The following NECAP1 variants were observed in gnomAD, a reference collection of about 807,000 sequenced individuals.
NECAP1 encodes adaptin ear-binding coat-associated protein 1.
Under a neutral mutation model 33.4 loss-of-function variants are expected in NECAP1, and 13 were observed. The ratio of observed to expected loss-of-function variants is 0.39; its 90% CI spans 0.25 to 0.62. The LOEUF is 0.62. NECAP1 is among the 20% of genes least tolerant of loss of function. The pLI is 0.52. For synonymous variants in NECAP1, 109 were observed against 125.2 expected (o/e 0.87, Z 0.86); for missense variants, 272 against 347.4 (o/e 0.78, Z 1.73).
In NECAP1 at chr12:8,085,686, C is replaced by CTTTT. The variant is rs554942626; in HGVS notation, c.95+3329_95+3332dup. Among the ~76,000 whole-genome samples, 75 of 104,838 alleles carry CTTTT rather than the reference C, an allele frequency of 7.2e-4. 2 individuals carry two copies. Among genetic ancestry groups the CTTTT allele is most frequent in the African/African-American group, 3.0e-3 (71 of 23,840 alleles). 68.8% of individuals were successfully genotyped at this position (104,838 alleles called of 152,430 possible). A position where few individuals can be genotyped will look rare whatever the true frequency, so the allele number is the denominator to read the frequency against. On this transcript the variant is annotated intron_variant, in intron 1 of 7. Transcript: ENST00000339754. Reference sequence around the variant, plus strand: ...TTGTAGGATCCTCTCACTTAATCTTCTTTTTTTTTTTTTTTTTTTTTTTTT... The same window carrying CTTTT: ...TTGTAGGATCCTCTCACTTAATCTTCTTTTTTTTTTTTTTTTTTTTTTTTTTTTT...
chr12:8,084,530 T>C (rs564944813), intron 1 of NECAP1, among the ~76,000 whole-genome samples: 1 of 152,248 alleles, frequency 6.6e-6, no homozygotes, highest in African/African-American at 2.4e-5. Flanking sequence ...TTGCTGCACC[T>C]ATCAACCTGT....
chr12:8,085,686 C>CTTCTTTTTTTTTTT lies in NECAP1; in HGVS notation c.95+3305_95+3306insCTTTTTTTTTTTTT, dbSNP rs1947481617. Among the ~76,000 whole-genome samples, 4 of 104,810 alleles carry CTTCTTTTTTTTTTT rather than the reference C, an allele frequency of 3.8e-5. 1 individual carries two copies. The highest frequency in any genetic ancestry group is 4.2e-5 in the African/African-American group (1 of 23,786). The allele number at this position is 104,810 out of a possible 152,430, so 68.8% of individuals were successfully genotyped here. A position where few individuals can be genotyped will look rare whatever the true frequency, so the allele number is the denominator to read the frequency against. On this transcript the variant is annotated intron_variant, in intron 1 of 7. Transcript: ENST00000339754. ...TTGTAGGATCCTCTCACTTAATCTTCTTTTTTTTTTTTTTTTTTTTTTTTT... is the reference window on the plus strand; with the variant it reads ...TTGTAGGATCCTCTCACTTAATCTTCTTCTTTTTTTTTTTTTTTTTTTTTTTTTTTTTTTTTTTT...
Position 8,092,906 on chromosome 12 carries a change from C to T in NECAP1, c.527C>T (p.Pro176Leu), listed in dbSNP as rs778135587. The T allele has an allele frequency of 2.5e-6, 4 of 1,583,076 alleles. No individual in the cohort carries two copies. Among genetic ancestry groups the T allele is most frequent in the South Asian group, 1.2e-5 (1 of 85,990 alleles). ...AACAAGAAAGGAGGTGCTTCTAAGCCCAGGACTGCAAGGGGTGGGGGTCTG... is the reference window on the plus strand; with the variant it reads ...AACAAGAAAGGAGGTGCTTCTAAGCTCAGGACTGCAAGGGGTGGGGGTCTG... The part of the protein sequence containing the change: ...ITNKKGGASK[P>L]RTARGGGLSL... The change falls in exon 6 of 8, where the codon CCC (proline) becomes CTC (leucine). Residue 176 changes from proline to leucine, a missense_variant. Pro to Leu is a moderately conservative substitution (Grantham distance 98). Transcript: ENST00000339754.
intron 4 of NECAP1, chr12:8,092,251 T>C (rs111834967): frequency 4.0e-5 from 12 of 299,618 alleles, no homozygotes; most frequent in African/African-American, 2.2e-4. Context: ...GCAGCTGTGG[T>C]TGACAGCACT....
chr12:8,083,602 G>A (rs1203523034), intron 1 of NECAP1, among the ~76,000 whole-genome samples: 1 of 151,362 alleles, frequency 6.6e-6, no homozygotes, highest in Non-Finnish European at 1.5e-5. Flanking sequence ...GCTAATTTTT[G>A]TATTTTGAGT....
chr12:8,090,930 G>A (rs1947538511), intron 3 of NECAP1: 1 of 152,530 alleles, frequency 6.6e-6, no homozygotes, highest in South Asian at 2.1e-4. Context: ...CTATAACAGA[G>A]GTTGGCAAAC....
chr12:8,089,602 C>G (rs1947523377), intron 1 of NECAP1: 1 of 219,358 alleles, frequency 4.6e-6, no homozygotes, highest in African/African-American at 2.3e-5. Flanking sequence ...CTCAAGTGAT[C>G]CACCCACCTT....
At position 8,082,274 on chromosome 12, in the gene NECAP1, G is replaced by A. The variant is rs746174611; in HGVS notation, c.-15G>A. 1.0e-5 allele frequency: 16 copies of A among 1,584,530 alleles called. No individual in the cohort carries two copies. The highest frequency in any genetic ancestry group is 4.0e-5 in the African/African-American group (3 of 74,436). On this transcript the variant is annotated 5_prime_UTR_variant, in exon 1 of 8. Transcript: ENST00000339754. Reference sequence around the variant, plus strand: ...CTTACGTTTCGCCCCCGGCAGCGCCGACAGCGGACCCAAGATGGCGACCGA... The same window carrying A: ...CTTACGTTTCGCCCCCGGCAGCGCCAACAGCGGACCCAAGATGGCGACCGA...
chr12:8,086,284 C>A (rs1343997679), intron 1 of NECAP1, among the ~76,000 whole-genome samples: 1 of 152,126 alleles, frequency 6.6e-6, no homozygotes, highest in Non-Finnish European at 1.5e-5. Flanking sequence ...ACTGACCAGA[C>A]TTCTAGACTA....
At chr12:8,093,297 G>T in intron 6 of NECAP1, 1 of 490,184 alleles carries the variant, frequency 2.0e-6, no homozygotes, top group Non-Finnish European at 3.5e-6. Flanking sequence ...TTTTTTTCTT[G>T]GTTAGATGCT....
In NECAP1 at chr12:8,096,182, C is replaced by T. The variant is rs1947592480; in HGVS notation, c.*92C>T. On this transcript the variant is annotated 3_prime_UTR_variant, in exon 8 of 8. Coordinates refer to ENST00000339754, the MANE Select transcript of NECAP1 (RefSeq NM_015509.4). Reference sequence around the variant, plus strand: ...GAGGGAAGTTAGGAACCCATTTCCTCCCCAGAACCAGAATGACTGGACAAT... The same window carrying T: ...GAGGGAAGTTAGGAACCCATTTCCTTCCCAGAACCAGAATGACTGGACAAT... 3 of 1,305,172 alleles carry T rather than the reference C, an allele frequency of 2.3e-6. No individual in the cohort carries two copies. Among genetic ancestry groups the T allele is most frequent in the Non-Finnish European group, 3.2e-6 (3 of 925,668 alleles). The allele number at this position is 1,305,172 out of a possible 1,614,324, so 80.8% of individuals were successfully genotyped here.
intron 1 of NECAP1, among the ~76,000 whole-genome samples, chr12:8,084,660 C>T (rs1296538862): frequency 6.6e-6 from 1 of 152,016 alleles, no homozygotes; most frequent in East Asian, 1.9e-4. Context: ...TTTTCTGTTC[C>T]TGCATAGCAC....
At chr12:8,083,164 GT>G (rs1157762649) in intron 1 of NECAP1, among the ~76,000 whole-genome samples, 1 of 151,918 alleles carries the variant, frequency 6.6e-6, no homozygotes, top group Non-Finnish European at 1.5e-5. Flanking sequence ...TGACTGTGAG[GT>G]TCTGAGGATG....
In NECAP1 at chr12:8,092,061, C is replaced by T. The variant is rs1006310813; in HGVS notation, c.383+211C>T. Reference sequence around the variant, plus strand: ...TTATAGCCTGCAATATATTTCAGATCCCTTGTGCAGTAGTTTGAAATGATG... The same window carrying T: ...TTATAGCCTGCAATATATTTCAGATTCCTTGTGCAGTAGTTTGAAATGATG... On this transcript the variant is annotated intron_variant, in intron 4 of 7. Transcript: ENST00000339754. The T allele has an allele frequency of 9.1e-6, 5 of 551,656 alleles. No individual in the cohort carries two copies. The African/African-American group carries it at 9.5e-5, about 10-fold the overall frequency. 34.2% of individuals were successfully genotyped at this position (551,656 alleles called of 1,614,324 possible). A position where few individuals can be genotyped will look rare whatever the true frequency, so the allele number is the denominator to read the frequency against.
In NECAP1 at chr12:8,097,761, T is replaced by C. The variant is rs1266058592; in HGVS notation, c.*1671T>C. On this transcript the variant is annotated 3_prime_UTR_variant, in exon 8 of 8. Coordinates refer to ENST00000339754, the MANE Select transcript of NECAP1 (RefSeq NM_015509.4). ...GGTGCAATAATGGTAATTAAAAATATGAAAAAAGTGTCTCTTTTATCTTTT... is the reference window on the plus strand; with the variant it reads ...GGTGCAATAATGGTAATTAAAAATACGAAAAAAGTGTCTCTTTTATCTTTT... 2.6e-5 allele frequency: 4 copies of C among 152,640 alleles called. No homozygotes were observed. The allele number at this position is 152,640 out of a possible 1,614,324, so 9.5% of individuals were successfully genotyped here.
At chr12:8,085,537 A>G (rs1947479862) in intron 1 of NECAP1, among the ~76,000 whole-genome samples, 1 of 152,186 alleles carries the variant, frequency 6.6e-6, no homozygotes. Flanking sequence ...TTTTTAGTAC[A>G]GCACATGAAG....
chr12:8,091,497 C>T, intron 3 of NECAP1: 1 of 443,070 alleles, frequency 2.3e-6, no homozygotes. Flanking sequence ...ATAGGGAGCT[C>T]ATAACCTAGA....
chr12:8,093,021 C>G lies in NECAP1; in HGVS notation c.642C>G (p.Pro214=). 1 of 1,614,160 alleles carries G rather than the reference C, an allele frequency of 6.2e-7. No homozygotes were observed. The highest frequency in any genetic ancestry group is 1.1e-5 in the South Asian group (1 of 91,086). ...TCAGCAATCATGTCACCCCACCACC[C>G]ATTCCGAAATCTAACCATGGAGGCA... is the stretch of plus-strand genomic sequence containing the variant. ...VAISNHVTPP[P]IPKSNHGGSD... is the part of the protein sequence containing the mutation. Residue 214 remains proline (P), a synonymous_variant, in exon 6 of 8, where the codon CCC becomes CCG. Coordinates refer to ENST00000339754, the MANE Select transcript of NECAP1 (RefSeq NM_015509.4).
chr12:8,094,569 A>T (rs991258186), intron 6 of NECAP1: 2 of 152,264 alleles, frequency 1.3e-5, no homozygotes, highest in African/African-American at 4.8e-5. Context: ...TGGGCTCAAG[A>T]GATCCTTCTG....
Sources: allele counts gnomAD v4.1 joint callset (sites outside exome capture counted in the v4.1 genomes callset), GRCh38; gene constraint gnomAD v4.1.1; transcripts MANE v1.5; gene names NCBI Gene and HGNC (gene_info 2026-07-23, HGNC 2026-07-21).